Variants in ARHGAP28 observed in about 807,000 individuals in gnomAD.
ARHGAP28 encodes rho GTPase-activating protein 28.
ARHGAP28 carries 56 observed loss-of-function variants against 90.7 expected under a neutral mutation model. The observed-to-expected ratio is 0.62, with a 90% CI of 0.50 to 0.77. ARHGAP28 has a LOEUF of 0.77. Ranked by LOEUF, ARHGAP28 falls within the 30% of genes least tolerant of loss-of-function variation. ARHGAP28 has a pLI of 0.00. For missense variants in ARHGAP28, 869 were observed against 900.9 expected, an observed-to-expected ratio of 0.96 and a Z score of 0.45; for synonymous variants, 308 against 323.3, an observed-to-expected ratio of 0.95 and a Z score of 0.51.
intron 17 of ARHGAP28, among the ~76,000 whole-genome samples, chr18:6,911,083 C>A (rs1013599546): frequency 5.3e-5 from 8 of 152,100 alleles, no homozygotes. Context: ...ATCCGCCCAC[C>A]TCGGCCTCCC....
intron 6 of ARHGAP28, among the ~76,000 whole-genome samples, chr18:6,870,053 C>T (rs112644547): frequency 4.6e-5 from 7 of 152,116 alleles, no homozygotes; most frequent in African/African-American, 9.6e-5. Flanking sequence ...ACAGAAATTC[C>T]GATTAATTCA....
At chr18:6,871,970 G>A (rs2057093442) in intron 7 of ARHGAP28, among the ~76,000 whole-genome samples, 1 of 152,192 alleles carries the variant, frequency 6.6e-6, no homozygotes, top group African/African-American at 2.4e-5. Context: ...TCCAAAGTCT[G>A]CAGCTAGTGG....
At chr18:6,800,423 A>C (rs1484196557) in intron 1 of ARHGAP28, among the ~76,000 whole-genome samples, 1 of 152,210 alleles carries the variant, frequency 6.6e-6, no homozygotes, top group Non-Finnish European at 1.5e-5. Context: ...TATTTATTGC[A>C]GCACTGTTCA....
At chr18:6,817,099 AAGTC>A (rs1036868773) in intron 1 of ARHGAP28, among the ~76,000 whole-genome samples, 1 of 150,686 alleles carries the variant, frequency 6.6e-6, no homozygotes, top group African/African-American at 2.4e-5. Flanking sequence ...AAAAAAAAAA[AAGTC>A]AGGAGTTCAA....
chr18:6,819,603 T>C (rs764129425), intron 1 of ARHGAP28, among the ~76,000 whole-genome samples: 24 of 152,164 alleles, frequency 1.6e-4, no homozygotes, highest in Non-Finnish European at 2.5e-4. Flanking sequence ...TTGGAATTTG[T>C]AGAAGCTCCA....
At chr18:6,895,501 G>A (rs1231375056) in intron 15 of ARHGAP28, among the ~76,000 whole-genome samples, 1 of 152,242 alleles carries the variant, frequency 6.6e-6, no homozygotes, top group African/African-American at 2.4e-5. Flanking sequence ...GTGTCAGCAA[G>A]CTTGGCGCCT....
intron 1 of ARHGAP28, among the ~76,000 whole-genome samples, chr18:6,809,690 A>T (rs562314130): frequency 1.3e-5 from 2 of 152,256 alleles, no homozygotes; most frequent in East Asian, 3.9e-4. Flanking sequence ...GGGAGACTAA[A>T]CTATTAGGGG....
chr18:6,762,966 T>G (rs1241313317), intron 1 of ARHGAP28, among the ~76,000 whole-genome samples: 1 of 152,188 alleles, frequency 6.6e-6, no homozygotes, highest in African/African-American at 2.4e-5. Context: ...TGGGGTACTC[T>G]CTGGGCCAGG....
Position 6,873,658 on chromosome 18 carries a change from T to C in ARHGAP28, c.1121-26T>C, listed in dbSNP as rs563005812. The C allele has an allele frequency of 1.5e-3, 2,332 of 1,591,872 alleles. 38 individuals carry two copies. In the Admixed American group the frequency reaches 0.025, roughly 17 times the overall value. ...ATGCTTTTCTAATTCTTTTTTTTTT[T>C]CCCCCTTTACTGTCTCACAATGAAG... On this transcript the variant is annotated intron_variant, in intron 8 of 17. Coordinates refer to ENST00000383472, the MANE Select transcript of ARHGAP28 (RefSeq NM_001366230.1).
intron 1 of ARHGAP28, among the ~76,000 whole-genome samples, chr18:6,735,289 A>G (rs2055915696): frequency 6.6e-6 from 1 of 152,238 alleles, no homozygotes; most frequent in Admixed American, 6.5e-5. Flanking sequence ...TGAAAACTAA[A>G]CAAAGTAAAA....
chr18:6,732,391 C>T (rs1056502633), intron 1 of ARHGAP28, among the ~76,000 whole-genome samples: 1 of 152,118 alleles, frequency 6.6e-6, no homozygotes, highest in Non-Finnish European at 1.5e-5. Context: ...AAGAATGTGG[C>T]CCTTTACCTT....
At chr18:6,798,358 T>C (rs1200438357) in intron 1 of ARHGAP28, among the ~76,000 whole-genome samples, 1 of 152,106 alleles carries the variant, frequency 6.6e-6, no homozygotes, top group Non-Finnish European at 1.5e-5. Flanking sequence ...CATGCCCGGC[T>C]AATTTTTGTA....
At chr18:6,888,636 C>A (rs925841908) in intron 12 of ARHGAP28, among the ~76,000 whole-genome samples, 6 of 152,012 alleles carry the variant, frequency 3.9e-5, no homozygotes, top group African/African-American at 1.2e-4. Flanking sequence ...ACAGAGTGTT[C>A]TTTTATCAAA....
At chr18:6,812,404 T>A (rs1383268703) in intron 1 of ARHGAP28, among the ~76,000 whole-genome samples, 1 of 152,156 alleles carries the variant, frequency 6.6e-6, no homozygotes, top group African/African-American at 2.4e-5. Flanking sequence ...CTCAACAGAT[T>A]TGCTCACAAA....
intron 1 of ARHGAP28, among the ~76,000 whole-genome samples, chr18:6,805,315 G>A (rs1245553521): frequency 1.3e-5 from 2 of 152,044 alleles, no homozygotes; most frequent in Non-Finnish European, 2.9e-5. Flanking sequence ...ATCTCCAGAA[G>A]TCTTTTTGCT....
chr18:6,786,793 G>GA lies in ARHGAP28; in HGVS notation c.123-37959dup, dbSNP rs146916949. ...TAATTATAAAGCTATTTGCTGTGGGGAAAAAAAAAATCCCTAAAATAGCAA... is the reference window on the plus strand; with the variant it reads ...TAATTATAAAGCTATTTGCTGTGGGGAAAAAAAAAAATCCCTAAAATAGCAA... On this transcript the variant is annotated intron_variant, in intron 1 of 17. Coordinates refer to ENST00000383472, the MANE Select transcript of ARHGAP28 (RefSeq NM_001366230.1). 1.7e-3 allele frequency among the ~76,000 whole-genome samples: 251 copies of GA among 149,052 alleles called. 2 individuals carry two copies. The highest frequency in any genetic ancestry group is 4.4e-3 in the African/African-American group (179 of 40,804).
intron 10 of ARHGAP28, among the ~76,000 whole-genome samples, chr18:6,876,700 A>C (rs2057133759): frequency 1.3e-5 from 2 of 152,164 alleles, no homozygotes; most frequent in African/African-American, 4.8e-5. Flanking sequence ...GAAAGCTCTT[A>C]CAGGAATTTG....
chr18:6,862,381 G>A (rs555921529), intron 5 of ARHGAP28, among the ~76,000 whole-genome samples: 9 of 152,234 alleles, frequency 5.9e-5, no homozygotes, highest in South Asian at 2.1e-4. Context: ...AGGGGGCCCC[G>A]ACAACTTGCC....
chr18:6,874,780 C>T (rs190280201), intron 9 of ARHGAP28: 10 of 152,242 alleles, frequency 6.6e-5, no homozygotes, highest in Admixed American at 2.6e-4. Flanking sequence ...CCTTTGTACA[C>T]ACGGGCCCTC....
Sources: gnomAD v4.1 joint callset for allele counts (sites outside exome capture counted in the v4.1 genomes callset) on GRCh38, gnomAD v4.1.1 for gene constraint, MANE v1.5 for transcripts, NCBI Gene and HGNC (gene_info 2026-07-23, HGNC 2026-07-21) for gene names.